The following SLC22A24 variants were observed in gnomAD, a reference collection of about 807,000 sequenced individuals.
The protein encoded by SLC22A24 is steroid transmembrane transporter SLC22A24.
Under a neutral mutation model 49.8 loss-of-function variants are expected in SLC22A24, and 53 were observed. That is an observed-to-expected ratio of 1.06 (90% CI 0.85 to 1.34). The LOEUF is 1.34. Among genes scored for constraint, SLC22A24 ranks in the 40% most tolerant of loss-of-function variants. SLC22A24 has a pLI of 0.00. For synonymous variants in SLC22A24, 302 were observed against 256.4 expected (o/e 1.18, Z -1.70); for missense variants, 786 against 675.9 (o/e 1.16, Z -1.81).
At chr11:63,137,165 C>T (rs2087381182) in intron 1 of SLC22A24, among the ~76,000 whole-genome samples, 1 of 152,118 alleles carries the variant, frequency 6.6e-6, no homozygotes, top group South Asian at 2.1e-4. Flanking sequence ...TCGGTTGGTT[C>T]TTTCTAACTA....
chr11:63,134,431 A>G (rs2087358554), intron 2 of SLC22A24, among the ~76,000 whole-genome samples: 1 of 152,180 alleles, frequency 6.6e-6, no homozygotes, highest in South Asian at 2.1e-4. Context: ...TCTGATTTGG[A>G]TGTCTTTTTC....
intron 4 of SLC22A24, among the ~76,000 whole-genome samples, chr11:63,106,226 T>C (rs1163389876): frequency 2.0e-5 from 3 of 152,086 alleles, no homozygotes; most frequent in Non-Finnish European, 4.4e-5. Context: ...AACGATGGTT[T>C]CCAGTTTCAT....
At chr11:63,097,140 A>G (rs958105731) in intron 5 of SLC22A24, among the ~76,000 whole-genome samples, 4 of 152,148 alleles carry the variant, frequency 2.6e-5, no homozygotes, top group African/African-American at 7.2e-5. Context: ...GGCAACCTAC[A>G]GAATGGGAGA....
chr11:63,118,886 G>A (rs150733105), intron 4 of SLC22A24, 26 bp downstream of exon 4: 2 of 1,551,478 alleles, frequency 1.3e-6, no homozygotes, highest in Middle Eastern at 1.7e-4. Flanking sequence ...TCGCTTACAG[G>A]CAAAGAATGT....
At chr11:63,106,702 TG>T (rs1159969294) in intron 4 of SLC22A24, among the ~76,000 whole-genome samples, 2 of 57,986 alleles carry the variant, frequency 3.4e-5, no homozygotes, top group East Asian at 1.1e-3. Context: ...TTTTTTCATG[TG>T]TTTTTTGACT....
chr11:63,103,080 A>G (rs939343983), intron 5 of SLC22A24, among the ~76,000 whole-genome samples: 1 of 152,180 alleles, frequency 6.6e-6, no homozygotes, highest in African/African-American at 2.4e-5. Context: ...ATGAAATAAT[A>G]CTTTTCCAGA....
At chr11:63,099,707 G>A (rs555052117) in intron 5 of SLC22A24, among the ~76,000 whole-genome samples, 7 of 152,046 alleles carry the variant, frequency 4.6e-5, no homozygotes, top group East Asian at 1.9e-4. Flanking sequence ...TCAATGACAC[G>A]TGAAGAAGAC....
At chr11:63,125,018 G>A (rs561045681) in intron 2 of SLC22A24, among the ~76,000 whole-genome samples, 1 of 151,884 alleles carries the variant, frequency 6.6e-6, no homozygotes, top group South Asian at 2.1e-4. Flanking sequence ...ACGAGTTAAT[G>A]GGTGCAGCAC....
chr11:63,122,183 T>C (rs948970345), intron 2 of SLC22A24, among the ~76,000 whole-genome samples: 5 of 152,214 alleles, frequency 3.3e-5, no homozygotes, highest in African/African-American at 7.2e-5. Flanking sequence ...TGTAATTCAA[T>C]GTAGTTACCA....
intron 2 of SLC22A24, among the ~76,000 whole-genome samples, chr11:63,128,537 C>T (rs778105521): frequency 5.9e-5 from 9 of 152,172 alleles, no homozygotes; most frequent in East Asian, 1.9e-4. Context: ...TGTGTTTCAG[C>T]GGTCATGCTC....
At chr11:63,125,561 T>G (rs527788441) in intron 2 of SLC22A24, among the ~76,000 whole-genome samples, 1 of 152,306 alleles carries the variant, frequency 6.6e-6, no homozygotes, top group East Asian at 1.9e-4. Flanking sequence ...CTGTCATTGG[T>G]GGACATTTGG....
chr11:63,130,998 T>C (rs2087330834), intron 2 of SLC22A24, among the ~76,000 whole-genome samples: 1 of 152,230 alleles, frequency 6.6e-6, no homozygotes, highest in Non-Finnish European at 1.5e-5. Flanking sequence ...TTAGCTTTTC[T>C]TGTTGAATTG....
chr11:63,110,633 G>A (rs1232963802), intron 4 of SLC22A24, among the ~76,000 whole-genome samples: 1 of 133,400 alleles, frequency 7.5e-6, no homozygotes, highest in Non-Finnish European at 1.6e-5. Context: ...GTTCACTCAC[G>A]ATTTGGCTCT....
intron 4 of SLC22A24, chr11:63,115,833 G>A (rs2087209027): frequency 5.0e-6 from 1 of 201,776 alleles, no homozygotes; most frequent in Admixed American, 5.9e-5. Context: ...CTATTGGGGA[G>A]GTTGCACCAT....
intron 6 of SLC22A24, among the ~76,000 whole-genome samples, chr11:63,088,710 G>A (rs1334150748): frequency 2.6e-5 from 4 of 151,914 alleles, no homozygotes. Context: ...TAACTAGAAT[G>A]ACCAGTTTAG....
At chr11:63,083,695 G>A (rs762860351) in intron 6 of SLC22A24, among the ~76,000 whole-genome samples, 1 of 152,068 alleles carries the variant, frequency 6.6e-6, no homozygotes, top group Non-Finnish European at 1.5e-5. Context: ...GCTCTTCATT[G>A]TCATAATTTT....
intron 5 of SLC22A24, among the ~76,000 whole-genome samples, chr11:63,098,677 G>A (rs529241511): frequency 1.3e-5 from 2 of 151,390 alleles, no homozygotes; most frequent in African/African-American, 4.8e-5. Flanking sequence ...AAACAAACAA[G>A]CAAGCAAACA....
At chr11:63,093,321 A>G (rs1409751244) in intron 6 of SLC22A24, among the ~76,000 whole-genome samples, 2 of 152,188 alleles carry the variant, frequency 1.3e-5, no homozygotes, top group Non-Finnish European at 2.9e-5. Flanking sequence ...ATATTATTTG[A>G]CCCAGCAATC....
At chr11:63,130,484 C>T (rs1267845052) in intron 2 of SLC22A24, among the ~76,000 whole-genome samples, 2 of 152,090 alleles carry the variant, frequency 1.3e-5, no homozygotes, top group East Asian at 1.9e-4. Context: ...TGATGCTGGT[C>T]TCATAAAATG....
Sources: gnomAD v4.1 joint callset for allele counts (sites outside exome capture counted in the v4.1 genomes callset) on GRCh38, gnomAD v4.1.1 for gene constraint, MANE v1.5 for transcripts, NCBI Gene and HGNC (gene_info 2026-07-23, HGNC 2026-07-21) for gene names.